Variants in B4GALT4 observed in about 807,000 individuals in gnomAD.
B4GALT4 encodes N-acetyllactosamine synthase.
In B4GALT4, 27 loss-of-function variants were observed where a neutral mutation model predicts 37.3. The ratio of observed to expected loss-of-function variants is 0.72; its 90% CI spans 0.53 to 1.00. B4GALT4 has a LOEUF of 1.00. B4GALT4 is among the 50% of genes least tolerant of loss of function. The pLI is 0.00. For synonymous variants in B4GALT4, 148 were observed against 154.1 expected (o/e 0.96, Z 0.29); for missense variants, 372 against 413.1 (o/e 0.90, Z 0.86).
intron 7 of B4GALT4, chr3:119,213,415 G>T (rs1442548214): frequency 6.6e-6 from 1 of 152,236 alleles, no homozygotes; most frequent in Non-Finnish European, 1.5e-5. Context: ...TGACAATATG[G>T]ATGGGGATCA....
chr3:119,221,450 G>A (rs1576901224), intron 5 of B4GALT4, among the ~76,000 whole-genome samples: 1 of 152,188 alleles, frequency 6.6e-6, no homozygotes, highest in African/African-American at 2.4e-5. Flanking sequence ...TGGCACTGGG[G>A]CACACAGTTG....
At chr3:119,223,226 C>T (rs12486926) in intron 5 of B4GALT4, among the ~76,000 whole-genome samples, 3 of 152,238 alleles carry the variant, frequency 2.0e-5, no homozygotes, top group Admixed American at 2.0e-4. Flanking sequence ...CACTGACACT[C>T]AACGGGGAGC....
At chr3:119,213,658 G>A (rs1559910797) in intron 7 of B4GALT4, 2 of 152,158 alleles carry the variant, frequency 1.3e-5, no homozygotes, top group Non-Finnish European at 2.9e-5. Flanking sequence ...TGTGAAGGAG[G>A]AGACTACAGA....
At chr3:119,237,390 A>C (rs1174247288) in intron 1 of B4GALT4, among the ~76,000 whole-genome samples, 1 of 152,182 alleles carries the variant, frequency 6.6e-6, no homozygotes, top group East Asian at 1.9e-4. Flanking sequence ...AGTAACCTAA[A>C]TGTTTTGAGT....
intron 6 of B4GALT4, among the ~76,000 whole-genome samples, 159 bp downstream of exon 6, chr3:119,218,491 G>A (rs897207489): frequency 2.6e-5 from 4 of 152,086 alleles, no homozygotes; most frequent in Non-Finnish European, 4.4e-5. Context: ...GAATGATGTG[G>A]GCCATCCTAC....
rs146211855 is a variant in B4GALT4, at chr3:119,234,545, T to C, written c.-146+2308A>G. The stretch of plus-strand genomic sequence containing the variant: ...TGATTTTTACTTTCTAACTCTGTAA[T>C]TTCCATTTTTTCTTTTAATGAGTAT... On this transcript the variant is annotated intron_variant, in intron 2 of 7. Transcript: ENST00000393765. Among the ~76,000 whole-genome samples, 8 of 152,354 alleles carry C rather than the reference T, an allele frequency of 5.3e-5. No homozygotes were observed. The East Asian group carries it at 1.5e-3, about 29-fold the overall frequency.
At position 119,239,727 on chromosome 3, in the gene B4GALT4, C is replaced by T. The variant is rs536154079; in HGVS notation, c.-364+1123G>A. Among the ~76,000 whole-genome samples the T allele has an allele frequency of 2.3e-3, 347 of 152,246 alleles. 2 individuals carry two copies. The highest frequency in any genetic ancestry group is 4.1e-3 in the Non-Finnish European group (282 of 68,028). On this transcript the variant is annotated intron_variant, in intron 1 of 7. Coordinates refer to ENST00000393765, the MANE Select transcript of B4GALT4 (RefSeq NM_003778.4). ...CAATCTGATCAAAGCTATAGGTAGA[C>T]GAAAGTTATTGCAATTTCATGGGGT...
At chr3:119,223,390 A>C (rs548571440) in intron 5 of B4GALT4, among the ~76,000 whole-genome samples, 1 of 152,352 alleles carries the variant, frequency 6.6e-6, no homozygotes, top group African/African-American at 2.4e-5. Flanking sequence ...TTTCATTTGC[A>C]GAGAAACATT....
At chr3:119,228,138 T>C (rs1289886626) in intron 3 of B4GALT4, among the ~76,000 whole-genome samples, 1 of 152,216 alleles carries the variant, frequency 6.6e-6, no homozygotes, top group African/African-American at 2.4e-5. Flanking sequence ...GGGGTAGCTG[T>C]TGAGATGGTC....
At chr3:119,223,810 C>A (rs1262325829) in intron 5 of B4GALT4, among the ~76,000 whole-genome samples, 1 of 152,234 alleles carries the variant, frequency 6.6e-6, no homozygotes, top group East Asian at 1.9e-4. Context: ...CTGGCCACCA[C>A]CTGCAATGCT....
chr3:119,226,079 GC>G (rs1233242778), intron 4 of B4GALT4, among the ~76,000 whole-genome samples: 1 of 152,104 alleles, frequency 6.6e-6, no homozygotes, highest in Non-Finnish European at 1.5e-5. Context: ...CCTCTTCTTG[GC>G]CTCCTTGGAT....
intron 7 of B4GALT4, chr3:119,214,993 C>T (rs1304277913): frequency 6.6e-6 from 1 of 152,146 alleles, no homozygotes; most frequent in East Asian, 1.9e-4. Context: ...TACACAACAC[C>T]ATAAATGAAA....
At chr3:119,226,102 A>T (rs1257763452) in intron 4 of B4GALT4, among the ~76,000 whole-genome samples, 1 of 151,290 alleles carries the variant, frequency 6.6e-6, no homozygotes, top group Non-Finnish European at 1.5e-5. Context: ...GCCAAGGATA[A>T]CTGTGAAAAG....
intron 1 of B4GALT4, chr3:119,240,024 G>C (rs978894394): frequency 8.5e-5 from 12 of 141,336 alleles, no homozygotes; most frequent in Non-Finnish European, 1.7e-4. Context: ...GCCACAACTC[G>C]CCTCCACGCT....
chr3:119,236,492 A>G (rs183954258), intron 2 of B4GALT4, among the ~76,000 whole-genome samples: 123 of 152,348 alleles, frequency 8.1e-4, no homozygotes, highest in African/African-American at 2.9e-3. Flanking sequence ...AACTAAAAAT[A>G]AAGAGTCAGA....
At chr3:119,238,675 T>C (rs1477495784) in intron 1 of B4GALT4, among the ~76,000 whole-genome samples, 3 of 152,206 alleles carry the variant, frequency 2.0e-5, no homozygotes, top group Non-Finnish European at 4.4e-5. Flanking sequence ...AGTATAGATA[T>C]GTATGCATAT....
At chr3:119,216,216 T>C (rs1040345751) in intron 7 of B4GALT4, 24 bp downstream of exon 7, 7 of 1,571,656 alleles carry the variant, frequency 4.5e-6, no homozygotes, top group Non-Finnish European at 8.7e-7. Context: ...GGTAGCCTGC[T>C]AGGCAGGTGA....
intron 6 of B4GALT4, among the ~76,000 whole-genome samples, chr3:119,217,383 G>C (rs2078320063): frequency 6.6e-6 from 1 of 152,192 alleles, no homozygotes; most frequent in South Asian, 2.1e-4. Flanking sequence ...TTTCTGTAGA[G>C]CCCCTGGTCA....
intron 5 of B4GALT4, among the ~76,000 whole-genome samples, chr3:119,221,271 T>C (rs932526040): frequency 4.6e-5 from 7 of 152,202 alleles, no homozygotes; most frequent in African/African-American, 1.2e-4. Flanking sequence ...ACTGATCCCA[T>C]AGGCAGTGAG....
Sources: allele counts gnomAD v4.1 joint callset (sites outside exome capture counted in the v4.1 genomes callset), GRCh38; gene constraint gnomAD v4.1.1; transcripts MANE v1.5; gene names NCBI Gene and HGNC (gene_info 2026-07-23, HGNC 2026-07-21).